SRGAP3: variants seen among roughly 807,000 people sequenced by gnomAD.
SRGAP3 encodes SLIT-ROBO Rho GTPase-activating protein 3.
A neutral mutation model predicts 121.1 loss-of-function variants in SRGAP3; 39 were observed. The observed-to-expected ratio is 0.32, with a 90% confidence interval of 0.25 to 0.42. The LOEUF (loss-of-function observed/expected upper bound fraction) is 0.42. Among genes scored for constraint, SRGAP3 ranks in the 10% least tolerant of loss-of-function variants. The pLI is 1.00. For missense variants in SRGAP3, 1,213 were observed against 1,470.6 expected (o/e 0.82, Z 2.86); for synonymous variants, 601 against 570.0 (o/e 1.05, Z -0.77).
At chr3:9,019,811 C>A (rs1943824295) in intron 14 of SRGAP3, among the ~76,000 whole-genome samples, 1 of 152,222 alleles carries the variant, frequency 6.6e-6, no homozygotes, top group Non-Finnish European at 1.5e-5. Flanking sequence ...CAGCCTTGTG[C>A]AGTGCCCAGA....
chr3:9,140,373 G>C (rs754443208), intron 1 of SRGAP3, among the ~76,000 whole-genome samples: 19 of 152,148 alleles, frequency 1.2e-4, no homozygotes, highest in Non-Finnish European at 2.6e-4. Flanking sequence ...TACAAAAATA[G>C]GATGTAGGGT....
At chr3:9,024,161 G>T (rs1944069345) in intron 14 of SRGAP3, among the ~76,000 whole-genome samples, 1 of 152,162 alleles carries the variant, frequency 6.6e-6, no homozygotes, top group Non-Finnish European at 1.5e-5. Flanking sequence ...GTTATGTACT[G>T]CAAGTAAAGG....
intron 3 of SRGAP3, among the ~76,000 whole-genome samples, chr3:9,288,137 T>TTG (rs1314915639): frequency 2.0e-5 from 3 of 150,536 alleles, no homozygotes; most frequent in African/African-American, 7.3e-5. Context: ...TTTGTTTTTT[T>TTG]TTTTTTTTTT....
chr3:9,313,038 T>A (rs1049020752), intron 3 of SRGAP3, among the ~76,000 whole-genome samples: 1 of 151,964 alleles, frequency 6.6e-6, no homozygotes, highest in Non-Finnish European at 1.5e-5. Context: ...CTTCCTCCTC[T>A]CCTGAAAAGC....
At chr3:9,349,077 T>A in intron 1 of SRGAP3, 1 of 943,284 alleles carries the variant, frequency 1.1e-6, no homozygotes, top group Non-Finnish European at 1.7e-6. Context: ...CCCACTGGTA[T>A]TCCCGTTGTC....
Position 9,013,235 on chromosome 3 carries a change from G to C in SRGAP3, c.2147+73C>G, listed in dbSNP as rs565228174. ...CTATCAAGCAGTAAGAAAACTGAAG[G>C]GTTTCTTATTGTTCCTATTCAATGG... On this transcript the variant is annotated intron_variant, in intron 17 of 21. Coordinates refer to ENST00000383836, the MANE Select transcript of SRGAP3 (RefSeq NM_014850.4). 4.8e-6 allele frequency: 7 copies of C among 1,452,034 alleles called. No homozygotes were observed. In the East Asian group the frequency reaches 1.7e-4, roughly 34 times the overall value. 89.9% of individuals were successfully genotyped at this position (1,452,034 alleles called of 1,614,324 possible). A position where few individuals can be genotyped will look rare whatever the true frequency, so the allele number is the denominator to read the frequency against.
At chr3:9,028,522 C>T (rs1316084029) in intron 12 of SRGAP3, among the ~76,000 whole-genome samples, 13 of 152,302 alleles carry the variant, frequency 8.5e-5, no homozygotes, top group South Asian at 8.3e-4. Context: ...AAGCTACCTA[C>T]GACCCCATAA....
At chr3:8,990,904 G>A (rs1381332338) in intron 20 of SRGAP3, 65 bp from the exon 21 acceptor site, 19 of 1,387,980 alleles carry the variant, frequency 1.4e-5, no homozygotes, top group Admixed American at 2.8e-5. Context: ...CTCAGAATGG[G>A]TGAGTCAACC....
At chr3:9,322,271 A>G (rs1339671416) in intron 3 of SRGAP3, among the ~76,000 whole-genome samples, 2 of 151,800 alleles carry the variant, frequency 1.3e-5, no homozygotes, top group Non-Finnish European at 2.9e-5. Context: ...AACCTCAGCA[A>G]GATTTGGGTA....
At chr3:9,111,412 A>G (rs1401157463) in intron 2 of SRGAP3, among the ~76,000 whole-genome samples, 3 of 152,234 alleles carry the variant, frequency 2.0e-5, no homozygotes, top group Non-Finnish European at 4.4e-5. Flanking sequence ...GGCAGAGGGA[A>G]CAGAATGGGC....
At chr3:9,155,315 A>C (rs1198747154) in intron 1 of SRGAP3, among the ~76,000 whole-genome samples, 2 of 151,956 alleles carry the variant, frequency 1.3e-5, no homozygotes, top group African/African-American at 4.8e-5. Context: ...TTCTCTCTGG[A>C]GGCTTTGAGA....
chr3:9,303,271 G>A (rs916845555), intron 3 of SRGAP3, among the ~76,000 whole-genome samples: 6 of 151,860 alleles, frequency 4.0e-5, no homozygotes, highest in South Asian at 4.2e-4. Context: ...CTAAAAGTAC[G>A]CAAATTAGCT....
At chr3:9,054,962 T>G (rs925830223) in intron 8 of SRGAP3, among the ~76,000 whole-genome samples, 1 of 152,220 alleles carries the variant, frequency 6.6e-6, no homozygotes, top group African/African-American at 2.4e-5. Context: ...CAGAAGAACA[T>G]TGGCTTCATT....
At chr3:8,992,174 T>C (rs1942096678) in intron 20 of SRGAP3, among the ~76,000 whole-genome samples, 1 of 152,204 alleles carries the variant, frequency 6.6e-6, no homozygotes, top group Non-Finnish European at 1.5e-5. Flanking sequence ...AATACCTACA[T>C]GTGTGGGCTG....
At position 9,332,069 on chromosome 3, in the gene SRGAP3, G is replaced by A. The variant is rs183325726; in HGVS notation, n.215-1473C>T. ...GGTGCCTATGCTGGGCCAATGCTAC[G>A]AAGAAATATTAAAGTTATTCAATGT... On this transcript the variant is annotated intron_variant and non_coding_transcript_variant, in intron 1 of 3. Coordinates refer to the SRGAP3 transcript ENST00000490889. 4.7e-4 allele frequency among the ~76,000 whole-genome samples: 72 copies of A among 152,246 alleles called. 1 individual carries two copies. The highest frequency in any genetic ancestry group is 1.6e-3 in the African/African-American group (65 of 41,552).
chr3:9,317,339 C>T (rs1420998949), intron 3 of SRGAP3, among the ~76,000 whole-genome samples: 1 of 152,210 alleles, frequency 6.6e-6, no homozygotes, highest in African/African-American at 2.4e-5. Context: ...AAATCGTTCC[C>T]TGTGAAGTTC....
Position 9,023,786 on chromosome 3 carries a change from C to A in SRGAP3, c.1678+1475G>T, listed in dbSNP as rs1345679495. 2.0e-5 allele frequency among the ~76,000 whole-genome samples: 3 copies of A among 152,162 alleles called. No homozygotes were observed. The East Asian group carries it at 5.8e-4, about 29-fold the overall frequency. On this transcript the variant is annotated intron_variant, in intron 14 of 21. Transcript: ENST00000383836. ...TGGAGCAAGGAGGTCCTGGGGCTCC[C>A]TGGTTCTAAGCACCCGAGATCCTTG...
chr3:8,997,906 G>A (rs777209360), intron 18 of SRGAP3, among the ~76,000 whole-genome samples: 2 of 150,876 alleles, frequency 1.3e-5, no homozygotes, highest in Non-Finnish European at 3.0e-5. Flanking sequence ...CTTGAGACAG[G>A]GTCTCACTCT....
chr3:9,357,088 C>T (rs2030556143), intron 1 of SRGAP3, among the ~76,000 whole-genome samples: 1 of 151,906 alleles, frequency 6.6e-6, no homozygotes. Flanking sequence ...CATGGCAAAA[C>T]CCCATCTCTA....
Sources: gnomAD v4.1 joint callset for allele counts (sites outside exome capture counted in the v4.1 genomes callset) on GRCh38, gnomAD v4.1.1 for gene constraint, MANE v1.5 for transcripts, NCBI Gene and HGNC (gene_info 2026-07-23, HGNC 2026-07-21) for gene names.